ENPEP: variants seen among roughly 807,000 people sequenced by gnomAD.
ENPEP encodes the protein AP-A.
ENPEP carries 103 observed loss-of-function variants against 114.5 expected under a neutral mutation model. The observed-to-expected ratio is 0.90, with a 90% CI of 0.77 to 1.06. The LOEUF is 1.06. Among genes scored for constraint, ENPEP ranks in the 50% least tolerant of loss-of-function variants. The pLI is 0.00. For synonymous variants in ENPEP, 420 were observed against 422.0 expected, an observed-to-expected ratio of 1.00 and a Z score of 0.06; for missense variants, 1,196 against 1,161.3, an observed-to-expected ratio of 1.03 and a Z score of -0.43.
chr4:110,528,735 GAGTA>G, intron 10 of ENPEP, among the ~76,000 whole-genome samples: 1 of 152,200 alleles, frequency 6.6e-6, no homozygotes. Context: ...GAGGGAATGG[GAGTA>G]AGTGTGTCAG....
intron 10 of ENPEP, 107 bp from the exon 11 acceptor site, chr4:110,531,091 C>A: frequency 1.6e-6 from 1 of 636,792 alleles, no homozygotes; most frequent in Non-Finnish European, 2.4e-6. Flanking sequence ...ACTAGATAAT[C>A]ATTTAAAAGA....
At chr4:110,550,621 G>A (rs1727253188) in intron 17 of ENPEP, among the ~76,000 whole-genome samples, 1 of 151,930 alleles carries the variant, frequency 6.6e-6, no homozygotes, top group Admixed American at 6.6e-5. Context: ...GAAATCAACA[G>A]GCTTCTTCCT....
chr4:110,518,067 C>A (rs1725848764), intron 8 of ENPEP, among the ~76,000 whole-genome samples: 2 of 152,134 alleles, frequency 1.3e-5, no homozygotes, highest in Admixed American at 1.3e-4. Context: ...TGGTGTGGAA[C>A]TAAATCTGGG....
intron 3 of ENPEP, 23 bp downstream of exon 3, chr4:110,491,187 A>T: frequency 6.3e-7 from 1 of 1,575,430 alleles, no homozygotes; most frequent in Non-Finnish European, 8.6e-7. Context: ...ATATTTTAAA[A>T]ATTTACCACC....
At chr4:110,529,422 A>G (rs973652819) in intron 10 of ENPEP, among the ~76,000 whole-genome samples, 1 of 152,158 alleles carries the variant, frequency 6.6e-6, no homozygotes, top group African/African-American at 2.4e-5. Context: ...TGTGAAAGTG[A>G]CTTGTTAGAA....
chr4:110,520,216 C>T lies in ENPEP; in HGVS notation c.1577C>T (p.Ala526Val). 9.9e-6 allele frequency: 16 copies of T among 1,613,216 alleles called. No homozygotes were observed. Among genetic ancestry groups the T allele is most frequent in the Non-Finnish European group, 1.4e-5 (16 of 1,179,436 alleles). The change falls in exon 10 of 20, where the codon GCA (alanine) becomes GTA (valine). Residue 526 changes from alanine (A) to valine (V), a missense_variant and splice_region_variant. Coordinates refer to ENST00000265162, the MANE Select transcript of ENPEP (RefSeq NM_001977.4). ...TSDFWAALEE[A>V]SRLPVKEVMD... ...TCTCCATTTTGTTTTCAATCTTAGG[C>T]AAGTAGGCTACCAGTGAAAGAAGTA...
intron 13 of ENPEP, among the ~76,000 whole-genome samples, chr4:110,544,525 A>G (rs1214543614): frequency 6.6e-6 from 1 of 152,172 alleles, no homozygotes; most frequent in Non-Finnish European, 1.5e-5. Context: ...CATTTAATAA[A>G]TAAACATTGG....
At position 110,549,576 on chromosome 4, in the gene ENPEP, A is replaced by T; in HGVS notation, c.2274A>T (p.Arg758Ser). ...VLGFACKMGD[R>S]EALNNASSLF... is the part of the protein sequence containing the mutation. The stretch of plus-strand genomic sequence containing the variant: ...GGTTTGCGTGCAAGATGGGAGACAG[A>T]GAAGCCTTGAACAATGCTTCCTCGT... Residue 758 changes from arginine to serine, a missense_variant, in exon 16 of 20, where the codon AGA becomes AGT. Arg to Ser is a moderately radical substitution (Grantham distance 110). Coordinates refer to ENST00000265162, the MANE Select transcript of ENPEP (RefSeq NM_001977.4). 6.2e-7 allele frequency: 1 copy of T among 1,613,698 alleles called. No individual in the cohort carries two copies. The highest frequency in any genetic ancestry group is 8.5e-7 in the Non-Finnish European group (1 of 1,179,732).
intron 1 of ENPEP, 84 bp from the exon 2 acceptor site, chr4:110,488,456 AT>A (rs200476816): frequency 3.4e-4 from 470 of 1,394,628 alleles, no homozygotes; most frequent in South Asian, 3.7e-4. Flanking sequence ...TGCATAGCTG[AT>A]TTTTTTTTCC....
At position 110,476,927 on chromosome 4, in the gene ENPEP, C is replaced by T. The variant is rs771555511; in HGVS notation, c.513C>T (p.Val171=). Residue 171 remains valine, a synonymous_variant, in exon 1 of 20, where the codon GTC becomes GTT. Coordinates refer to ENST00000265162, the MANE Select transcript of ENPEP (RefSeq NM_001977.4). The part of the protein sequence containing the change: ...FEYKKQEYVV[V]EAEEELTPSS... ...ACAAAAAGCAGGAGTACGTGGTGGT[C>T]GAGGCGGAGGAAGAGCTTACCCCCA... 1 of 1,614,050 alleles carries T rather than the reference C, an allele frequency of 6.2e-7. No homozygotes were observed. Among genetic ancestry groups the T allele is most frequent in the Non-Finnish European group, 8.5e-7 (1 of 1,180,016 alleles).
intron 1 of ENPEP, among the ~76,000 whole-genome samples, chr4:110,481,106 C>G (rs1724297420): frequency 6.6e-6 from 1 of 152,186 alleles, no homozygotes; most frequent in African/African-American, 2.4e-5. Context: ...AAAGTATGTA[C>G]TGCAGAATTC....
Position 110,513,406 on chromosome 4 carries a change from T to G in ENPEP, c.1309-9T>G, listed in dbSNP as rs773268650. ...TACTATATTCCTTTGGCTCATTCTT[T>G]CATTTCAGCGTGACCAAATGTTACT... On this transcript the variant is annotated splice_polypyrimidine_tract_variant and intron_variant, in intron 6 of 19. Transcript: ENST00000265162. 1.2e-6 allele frequency: 2 copies of G among 1,610,256 alleles called. No homozygotes were observed. Among genetic ancestry groups the G allele is most frequent in the Non-Finnish European group, 1.7e-6 (2 of 1,178,506 alleles).
At chr4:110,500,293 G>A (rs1725104989) in intron 3 of ENPEP, 1 of 152,134 alleles carries the variant, frequency 6.6e-6, no homozygotes, top group Non-Finnish European at 1.5e-5. Flanking sequence ...TATGATAAGG[G>A]AAAAGCAAAA....
chr4:110,477,323 A>G (rs540415011), intron 1 of ENPEP, among the ~76,000 whole-genome samples: 2 of 152,320 alleles, frequency 1.3e-5, no homozygotes, highest in South Asian at 4.1e-4. Context: ...GAGAAATCAT[A>G]ATATACTGCA....
chr4:110,512,758 G>T (rs1348049545), intron 6 of ENPEP: 1 of 152,164 alleles, frequency 6.6e-6, no homozygotes, highest in Non-Finnish European at 1.5e-5. Flanking sequence ...GTTCCAAAAA[G>T]TACAGGCCAT....
intron 11 of ENPEP, among the ~76,000 whole-genome samples, chr4:110,536,260 T>C (rs1726621064): frequency 6.6e-6 from 1 of 152,184 alleles, no homozygotes; most frequent in African/African-American, 2.4e-5. Flanking sequence ...AGTGGTTTGG[T>C]GCAATAAAAG....
chr4:110,565,214 G>A lies in ENPEP; in HGVS notation c.*3656G>A, dbSNP rs552779256. On this transcript the variant is annotated 3_prime_UTR_variant, in exon 20 of 20. Coordinates refer to ENST00000265162, the MANE Select transcript of ENPEP (RefSeq NM_001977.4). ...TGAAAAAATCAAAAGGAGAATAATA[G>A]TTCATGATGTAAAAATTATATAAAA... The A allele has an allele frequency of 2.6e-5, 4 of 152,218 alleles. No individual in the cohort carries two copies. In the East Asian group the frequency reaches 7.7e-4, roughly 29 times the overall value. The allele number at this position is 152,218 out of a possible 1,614,324, so 9.4% of individuals were successfully genotyped here.
intron 4 of ENPEP, among the ~76,000 whole-genome samples, chr4:110,508,269 C>CAAAA (rs11451516): frequency 9.1e-6 from 1 of 109,344 alleles, no homozygotes; most frequent in Non-Finnish European, 1.9e-5. Flanking sequence ...CAGTACTGAC[C>CAAAA]AAAAAAAAAA....
At chr4:110,511,036 A>G (rs1395808841) in intron 6 of ENPEP, among the ~76,000 whole-genome samples, 2 of 152,174 alleles carry the variant, frequency 1.3e-5, no homozygotes, top group South Asian at 2.1e-4. Flanking sequence ...AGCTAGGTAT[A>G]GTTGTTATTT....
Sources: gnomAD v4.1 joint callset for allele counts (sites outside exome capture counted in the v4.1 genomes callset) on GRCh38, gnomAD v4.1.1 for gene constraint, MANE v1.5 for transcripts, NCBI Gene and HGNC (gene_info 2026-07-23, HGNC 2026-07-21) for gene names.